LRP1B: variants seen among roughly 807,000 people sequenced by gnomAD.
LRP1B encodes the protein LDL receptor related protein 1B.
Under a neutral mutation model 556.6 loss-of-function variants are expected in LRP1B, and 217 were observed. The observed-to-expected ratio is 0.39, with a 90% CI of 0.35 to 0.44. LRP1B has a LOEUF of 0.44. Ranked by LOEUF, LRP1B falls within the 20% of genes least tolerant of loss-of-function variation. LRP1B has a pLI of 1.00. For missense variants in LRP1B, 5,053 were observed against 5,620.8 expected (o/e 0.90, Z 3.23); for synonymous variants, 2,047 against 1,865.8 (o/e 1.10, Z -2.50).
chr2:141,995,069 A>G (rs1438585357), intron 1 of LRP1B, among the ~76,000 whole-genome samples: 2 of 152,188 alleles, frequency 1.3e-5, no homozygotes, highest in Admixed American at 6.6e-5. Flanking sequence ...TGGGAGGAAC[A>G]TAATGAAAAT....
intron 18 of LRP1B, among the ~76,000 whole-genome samples, chr2:140,975,649 T>A (rs1696573509): frequency 1.3e-5 from 2 of 152,164 alleles, no homozygotes; most frequent in South Asian, 2.1e-4. Context: ...TGCAAAGATA[T>A]TATTAAGGAA....
chr2:141,335,576 A>T (rs1687818630), intron 3 of LRP1B, among the ~76,000 whole-genome samples: 1 of 152,204 alleles, frequency 6.6e-6, no homozygotes, highest in African/African-American at 2.4e-5. Flanking sequence ...GATATGACAT[A>T]AGCATAATTC....
chr2:141,468,980 G>C (rs116758140), intron 3 of LRP1B, among the ~76,000 whole-genome samples: 1,888 of 152,144 alleles, frequency 0.012, 34 homozygotes, highest in African/African-American at 0.042. Flanking sequence ...AACCACAGTG[G>C]GTTGTTGGAC....
chr2:142,018,787 C>T (rs1378569624), intron 1 of LRP1B, among the ~76,000 whole-genome samples: 7 of 145,702 alleles, frequency 4.8e-5, no homozygotes, highest in Non-Finnish European at 9.1e-5. Context: ...CTGACTTACG[C>T]TTTTTTTTTT....
At chr2:140,925,944 A>T (rs746341140) in intron 20 of LRP1B, among the ~76,000 whole-genome samples, 33 of 151,418 alleles carry the variant, frequency 2.2e-4, no homozygotes, top group South Asian at 8.3e-4. Context: ...TTTGTTTGCT[A>T]TTGTTTATTT....
intron 15 of LRP1B, among the ~76,000 whole-genome samples, chr2:141,000,772 GT>G (rs955920497): frequency 3.6e-4 from 54 of 152,106 alleles, no homozygotes; most frequent in African/African-American, 1.2e-3. Flanking sequence ...TACTTCCTAA[GT>G]TTTTTTAGTG....
chr2:140,941,933 A>G (rs1215412912), intron 20 of LRP1B, among the ~76,000 whole-genome samples: 2 of 152,184 alleles, frequency 1.3e-5, no homozygotes, highest in Non-Finnish European at 1.5e-5. Context: ...TCTAGCAATG[A>G]ACACTAACCA....
At chr2:140,719,159 T>C (rs1194399489) in intron 35 of LRP1B, among the ~76,000 whole-genome samples, 1 of 152,144 alleles carries the variant, frequency 6.6e-6, no homozygotes, top group Non-Finnish European at 1.5e-5. Context: ...TTCTGGCACA[T>C]AATAAGCTCA....
intron 37 of LRP1B, among the ~76,000 whole-genome samples, chr2:140,705,233 A>G (rs948648354): frequency 3.3e-5 from 5 of 152,018 alleles, no homozygotes; most frequent in Admixed American, 2.0e-4. Context: ...ATTTAAAACC[A>G]AAAAACAGTC....
At chr2:141,502,340 G>A (rs925341068) in intron 2 of LRP1B, among the ~76,000 whole-genome samples, 1 of 152,136 alleles carries the variant, frequency 6.6e-6, no homozygotes, top group African/African-American at 2.4e-5. Context: ...TGGTCACCTT[G>A]AACTAAATGG....
intron 2 of LRP1B, among the ~76,000 whole-genome samples, chr2:141,583,929 G>C (rs926642140): frequency 6.7e-6 from 1 of 149,262 alleles, no homozygotes; most frequent in African/African-American, 2.6e-5. Context: ...TAGTAGCGAT[G>C]GGGTTTCACT....
intron 6 of LRP1B, among the ~76,000 whole-genome samples, chr2:141,224,160 AC>A (rs1683152130): frequency 1.4e-5 from 2 of 138,594 alleles, no homozygotes; most frequent in African/African-American, 2.5e-5. Flanking sequence ...ACACACACAC[AC>A]ACACAAACAT....
chr2:140,402,519 A>T (rs146963753), intron 66 of LRP1B, among the ~76,000 whole-genome samples: 6 of 152,296 alleles, frequency 3.9e-5, no homozygotes, highest in Non-Finnish European at 8.8e-5. Flanking sequence ...CAGACTCACA[A>T]TTCCTCTCTA....
intron 2 of LRP1B, among the ~76,000 whole-genome samples, chr2:141,486,337 A>G (rs926130203): frequency 1.3e-5 from 2 of 152,186 alleles, no homozygotes; most frequent in African/African-American, 2.4e-5. Flanking sequence ...ATGCAAGGAT[A>G]ATGGGATTCA....
intron 3 of LRP1B, among the ~76,000 whole-genome samples, chr2:141,369,204 A>T (rs1689144588): frequency 6.6e-6 from 1 of 152,190 alleles, no homozygotes; most frequent in Admixed American, 6.5e-5. Flanking sequence ...TATATTTAAG[A>T]TCTTAAGTAA....
At chr2:141,290,726 T>G (rs1685909950) in intron 3 of LRP1B, among the ~76,000 whole-genome samples, 1 of 152,156 alleles carries the variant, frequency 6.6e-6, no homozygotes, top group African/African-American at 2.4e-5. Flanking sequence ...AGAACTAGTT[T>G]CCTGGGATTT....
rs142497982 is a variant in LRP1B, at chr2:141,951,104, G to A, written c.83-140703C>T. 2.3e-3 allele frequency among the ~76,000 whole-genome samples: 354 copies of A among 152,186 alleles called. 1 individual carries two copies. Among genetic ancestry groups the A allele is most frequent in the African/African-American group, 7.3e-3 (302 of 41,546 alleles). ...TTTGTCCCATAGTGATAATGGCTGC[G>A]TAAATAAGAGTATGTTCATATTTTT... On this transcript the variant is annotated intron_variant, in intron 1 of 90. Transcript: ENST00000389484.
At chr2:140,430,935 C>T (rs541487077) in intron 66 of LRP1B, among the ~76,000 whole-genome samples, 1 of 152,158 alleles carries the variant, frequency 6.6e-6, no homozygotes, top group Non-Finnish European at 1.5e-5. Context: ...TACTCACATG[C>T]CCTGAGTCAG....
At chr2:140,763,544 A>C (rs1235272623) in intron 35 of LRP1B, among the ~76,000 whole-genome samples, 2 of 152,164 alleles carry the variant, frequency 1.3e-5, no homozygotes, top group African/African-American at 4.8e-5. Flanking sequence ...TATGGAAAAT[A>C]ATATAGATCT....
Sources: allele counts gnomAD v4.1 joint callset (sites outside exome capture counted in the v4.1 genomes callset), GRCh38; gene constraint gnomAD v4.1.1; transcripts MANE v1.5; gene names NCBI Gene and HGNC (gene_info 2026-07-23, HGNC 2026-07-21).